Variants in NRXN1 observed in about 807,000 individuals in gnomAD.
The protein encoded by NRXN1 is neurexin 1.
A neutral mutation model predicts 150.9 loss-of-function variants in NRXN1; 39 were observed. The ratio of observed to expected loss-of-function variants is 0.26; its 90% confidence interval spans 0.20 to 0.34. The LOEUF (loss-of-function observed/expected upper bound fraction) is 0.34. NRXN1 is among the 10% of genes least tolerant of loss of function. The probability of loss-of-function intolerance (pLI) is 1.00; values close to 1 mark genes in which losing one functional copy is unlikely to be tolerated. For synonymous variants in NRXN1, 924 were observed against 757.0 expected (o/e 1.22, Z -3.62); for missense variants, 1,815 against 1,949.9 (o/e 0.93, Z 1.30).
intron 5 of NRXN1, among the ~76,000 whole-genome samples, chr2:50,733,127 A>G (rs973654757): frequency 1.3e-5 from 2 of 152,206 alleles, no homozygotes; most frequent in African/African-American, 4.8e-5. Context: ...ATAAATAAGC[A>G]TTTAACATTT....
At chr2:50,535,976 G>A (rs973985279) in intron 10 of NRXN1, among the ~76,000 whole-genome samples, 1 of 152,148 alleles carries the variant, frequency 6.6e-6, no homozygotes, top group East Asian at 1.9e-4. Flanking sequence ...AACTTCAAGA[G>A]TTGTCAACTC....
At chr2:50,234,150 T>C (rs2065207371) in intron 18 of NRXN1, among the ~76,000 whole-genome samples, 1 of 152,012 alleles carries the variant, frequency 6.6e-6, no homozygotes, top group Admixed American at 6.6e-5. Flanking sequence ...TAAACTTAGG[T>C]AGTAAAAAGA....
At chr2:50,524,830 C>G (rs1417832798) in intron 12 of NRXN1, among the ~76,000 whole-genome samples, 1 of 152,118 alleles carries the variant, frequency 6.6e-6, no homozygotes, top group East Asian at 1.9e-4. Flanking sequence ...AATGGCACTA[C>G]TTAATCATGC....
At chr2:50,773,914 A>C (rs1559241825) in intron 5 of NRXN1, among the ~76,000 whole-genome samples, 1 of 152,120 alleles carries the variant, frequency 6.6e-6, no homozygotes, top group Non-Finnish European at 1.5e-5. Context: ...ACTGCAACAG[A>C]ACACTGATGA....
At chr2:50,478,845 A>G (rs1034260115) in intron 15 of NRXN1, among the ~76,000 whole-genome samples, 1 of 152,140 alleles carries the variant, frequency 6.6e-6, no homozygotes, top group Admixed American at 6.5e-5. Context: ...ACACCTTACA[A>G]TCAACTACTG....
intron 5 of NRXN1, among the ~76,000 whole-genome samples, chr2:50,826,343 A>G (rs1401310764): frequency 6.6e-6 from 1 of 152,208 alleles, no homozygotes; most frequent in Non-Finnish European, 1.5e-5. Context: ...AAAGTATGTA[A>G]GAAAAGCAAA....
intron 18 of NRXN1, among the ~76,000 whole-genome samples, chr2:50,222,076 G>C (rs1474352346): frequency 6.6e-6 from 1 of 151,978 alleles, no homozygotes; most frequent in Non-Finnish European, 1.5e-5. Flanking sequence ...TGTAGAAGGT[G>C]AAGAACACAG....
chr2:50,753,178 T>C (rs1385210236), intron 5 of NRXN1, among the ~76,000 whole-genome samples: 3 of 151,936 alleles, frequency 2.0e-5, no homozygotes, highest in African/African-American at 7.2e-5. Flanking sequence ...TTCTTTATTT[T>C]ACCTTTAATA....
At chr2:50,855,579 C>A (rs1206852797) in intron 5 of NRXN1, among the ~76,000 whole-genome samples, 1 of 151,952 alleles carries the variant, frequency 6.6e-6, no homozygotes, top group Non-Finnish European at 1.5e-5. Context: ...AAATGACTAA[C>A]CCAGTAATTA....
At chr2:50,017,665 T>C (rs1438389178) in intron 21 of NRXN1, among the ~76,000 whole-genome samples, 1 of 103,878 alleles carries the variant, frequency 9.6e-6, no homozygotes. Flanking sequence ...ACAGCCTTTT[T>C]TTTTTTTTTT....
intron 17 of NRXN1, among the ~76,000 whole-genome samples, chr2:50,366,099 T>C (rs527454098): frequency 8.6e-5 from 13 of 150,988 alleles, no homozygotes; most frequent in African/African-American, 3.2e-4. Context: ...ATAATAAGAA[T>C]AGGTTAGTTG....
At chr2:50,864,951 G>A (rs538819472) in intron 5 of NRXN1, among the ~76,000 whole-genome samples, 1 of 152,084 alleles carries the variant, frequency 6.6e-6, no homozygotes, top group African/African-American at 2.4e-5. Context: ...TGACAGTGTA[G>A]GGATCACATT....
At chr2:50,236,736 C>T (rs2065471493) in intron 18 of NRXN1, 53 bp downstream of exon 18, 4 of 1,561,592 alleles carry the variant, frequency 2.6e-6, no homozygotes, top group Non-Finnish European at 3.5e-6. Flanking sequence ...AAATTCTTTA[C>T]AAAAAGTTAA....
At chr2:50,963,248 AAAC>A (rs943648038) in intron 2 of NRXN1, among the ~76,000 whole-genome samples, 14 of 151,678 alleles carry the variant, frequency 9.2e-5, no homozygotes, top group Middle Eastern at 3.4e-3. Flanking sequence ...GTTAAAAAAC[AAAC>A]AACAACAACA....
chr2:50,813,869 C>G (rs189546231), intron 5 of NRXN1, among the ~76,000 whole-genome samples: 195 of 152,194 alleles, frequency 1.3e-3, no homozygotes, highest in African/African-American at 4.5e-3. Flanking sequence ...TTCAGTGCTT[C>G]TTTTATTATT....
intron 2 of NRXN1, among the ~76,000 whole-genome samples, chr2:50,951,066 A>G (rs1015114786): frequency 6.6e-6 from 1 of 152,180 alleles, no homozygotes; most frequent in African/African-American, 2.4e-5. Flanking sequence ...CAGTAGTAAT[A>G]TACTGGGAAT....
At chr2:50,375,039 G>A (rs570034502) in intron 17 of NRXN1, among the ~76,000 whole-genome samples, 4 of 152,220 alleles carry the variant, frequency 2.6e-5, no homozygotes, top group African/African-American at 7.2e-5. Flanking sequence ...CTAAAAATAA[G>A]TGCAATTTTG....
At chr2:50,706,340 T>C (rs773331271) in intron 5 of NRXN1, among the ~76,000 whole-genome samples, 31 of 152,214 alleles carry the variant, frequency 2.0e-4, no homozygotes, top group Non-Finnish European at 3.5e-4. Context: ...GTTAAGACAA[T>C]AATCACATCA....
chr2:50,454,259 G>T (rs1433068477), intron 17 of NRXN1, among the ~76,000 whole-genome samples: 1 of 152,200 alleles, frequency 6.6e-6, no homozygotes, highest in East Asian at 1.9e-4. Flanking sequence ...CTGGGAGGCA[G>T]AGGTTGTGGT....
Sources: allele counts gnomAD v4.1 joint callset (sites outside exome capture counted in the v4.1 genomes callset), GRCh38; gene constraint gnomAD v4.1.1; transcripts MANE v1.5; gene names NCBI Gene and HGNC (gene_info 2026-07-23, HGNC 2026-07-21).